RIMBP2: variants seen among roughly 807,000 people sequenced by gnomAD.
RIMBP2 encodes the protein RIMS binding protein 2, also known as RIMS-binding protein 2.
RIMBP2 carries 48 observed loss-of-function variants against 118.6 expected under a neutral mutation model. The ratio of observed to expected loss-of-function variants is 0.40; its 90% CI spans 0.32 to 0.51. The LOEUF is 0.51. Ranked by LOEUF, RIMBP2 falls within the 20% of genes least tolerant of loss-of-function variation. The probability of loss-of-function intolerance (pLI) is 0.41; values close to 1 mark genes in which losing one functional copy is unlikely to be tolerated. For synonymous variants in RIMBP2, 762 were observed against 742.9 expected (o/e 1.03, Z -0.42); for missense variants, 1,551 against 1,768.3 (o/e 0.88, Z 2.20).
At chr12:130,398,980 A>G (rs999621021) in intron 22 of RIMBP2, 1 of 409,524 alleles carries the variant, frequency 2.4e-6, no homozygotes, top group African/African-American at 2.1e-5. Context: ...TTTAGGTCCA[A>G]TAGTTTTTTG....
intron 1 of RIMBP2, among the ~76,000 whole-genome samples, chr12:130,709,026 C>T (rs1002545664): frequency 1.2e-4 from 18 of 152,374 alleles, no homozygotes; most frequent in East Asian, 7.7e-4. Context: ...CAGGGCCTGC[C>T]GCAGAAGGGC....
rs35127958 is a variant in RIMBP2, at chr12:130,601,335, C to CAAAAAA, written c.-217+26981_-217+26986dup. On this transcript the variant is annotated intron_variant, in intron 2 of 22. Transcript: ENST00000690449. ...TGGGGATGGGGTCAAAGAGGGCAGG[C>CAAAAAA]AAAAAAAAAAAAAAAAAAAAAAAAA... is the stretch of plus-strand genomic sequence containing the variant. 7.9e-4 allele frequency among the ~76,000 whole-genome samples: 50 copies of CAAAAAA among 63,062 alleles called. 3 individuals carry two copies. The highest frequency in any genetic ancestry group is 1.6e-3 in the African/African-American group (31 of 19,354). 41.4% of individuals were successfully genotyped at this position (63,062 alleles called of 152,430 possible). A position where few individuals can be genotyped will look rare whatever the true frequency, so the allele number is the denominator to read the frequency against.
intron 1 of RIMBP2, among the ~76,000 whole-genome samples, chr12:130,632,200 T>A (rs1022708552): frequency 1.3e-5 from 2 of 152,188 alleles, no homozygotes; most frequent in African/African-American, 4.8e-5. Flanking sequence ...TCCAGTGAGA[T>A]CCCTGCAGGC....
At chr12:130,432,203 G>A in intron 14 of RIMBP2, 1 of 456,530 alleles carries the variant, frequency 2.2e-6, no homozygotes, top group Non-Finnish European at 4.4e-6. Flanking sequence ...CGTGGCACAT[G>A]GGGAAAGGCG....
intron 1 of RIMBP2, among the ~76,000 whole-genome samples, chr12:130,664,775 T>C (rs1181651632): frequency 6.6e-6 from 1 of 151,944 alleles, no homozygotes; most frequent in Non-Finnish European, 1.5e-5. Flanking sequence ...CCTTTCAATT[T>C]CAGCTTTAAA....
chr12:130,515,302 T>C (rs11614238), intron 3 of RIMBP2, among the ~76,000 whole-genome samples: 7,866 of 152,248 alleles, frequency 0.052, 270 homozygotes, highest in South Asian at 0.16. Flanking sequence ...CAACTGTCAC[T>C]ACCACCCATC....
In RIMBP2 at chr12:130,626,467, C is replaced by T. The variant is rs960542461; in HGVS notation, c.-217+1855G>A. Among the ~76,000 whole-genome samples, 21 of 150,802 alleles carry T rather than the reference C, an allele frequency of 1.4e-4. 1 individual carries two copies. Among genetic ancestry groups the T allele is most frequent in the South Asian group, 1.1e-3 (5 of 4,712 alleles). On this transcript the variant is annotated intron_variant, in intron 2 of 22. Transcript: ENST00000690449. ...GGCATCACCACCATCTTCTCCATCACGACTACCGCCAGCATCACCATCAGC... is the reference window on the plus strand; with the variant it reads ...GGCATCACCACCATCTTCTCCATCATGACTACCGCCAGCATCACCATCAGC...
intron 2 of RIMBP2, among the ~76,000 whole-genome samples, chr12:130,568,286 T>C (rs1346765375): frequency 6.6e-6 from 1 of 152,196 alleles, no homozygotes; most frequent in East Asian, 1.9e-4. Context: ...GTTTGAGAAC[T>C]TTCTCTTCTG....
chr12:130,692,151 C>T (rs1316510840), intron 1 of RIMBP2, among the ~76,000 whole-genome samples: 1 of 152,148 alleles, frequency 6.6e-6, no homozygotes, highest in Non-Finnish European at 1.5e-5. Context: ...GATGAGAGGC[C>T]TGGGTTTGAC....
chr12:130,535,738 C>CATATATATATATATATATATATATAT (rs55887629), intron 2 of RIMBP2, among the ~76,000 whole-genome samples: 2 of 66,726 alleles, frequency 3.0e-5, no homozygotes, highest in South Asian at 7.7e-4. Flanking sequence ...CATATATATA[C>CATATATATATATATATATATATATAT]ATATATATAT....
At chr12:130,618,322 C>T (rs1480650155) in intron 2 of RIMBP2, among the ~76,000 whole-genome samples, 1 of 152,168 alleles carries the variant, frequency 6.6e-6, no homozygotes, top group Non-Finnish European at 1.5e-5. Flanking sequence ...GAAGGTTACA[C>T]GTGTTAATTA....
At position 130,442,694 on chromosome 12, in the gene RIMBP2, C is replaced by T; in HGVS notation, c.692-34G>A. On this transcript the variant is annotated intron_variant, in intron 10 of 22. Coordinates refer to ENST00000690449, the MANE Select transcript of RIMBP2 (RefSeq NM_001393629.1). The surrounding 1 kb of genome is among the most constrained non-coding windows in gnomAD (Gnocchi z 6.9). ...TACAAGGACAGAGTTATCACCCAGC[C>T]AACACAGCAGGGGCCTCGAGGCCCC... The T allele has an allele frequency of 1.3e-6, 2 of 1,579,230 alleles. No homozygotes were observed. Among genetic ancestry groups the T allele is most frequent in the Non-Finnish European group, 1.7e-6 (2 of 1,156,274 alleles).
chr12:130,501,683 C>A (rs947408343), intron 4 of RIMBP2, among the ~76,000 whole-genome samples: 1 of 152,234 alleles, frequency 6.6e-6, no homozygotes, highest in Non-Finnish European at 1.5e-5. Context: ...TTCGGAGCTG[C>A]CTTTGAGCCA....
chr12:130,678,586 C>T (rs912202611), intron 1 of RIMBP2, among the ~76,000 whole-genome samples: 2 of 152,100 alleles, frequency 1.3e-5, no homozygotes, highest in South Asian at 2.1e-4. Flanking sequence ...GGCACGATCT[C>T]GGCTCACTGC....
chr12:130,456,888 GT>G (rs1431673418), intron 6 of RIMBP2, among the ~76,000 whole-genome samples, 188 bp from the exon 7 acceptor site: 2 of 152,204 alleles, frequency 1.3e-5, no homozygotes, highest in Non-Finnish European at 2.9e-5. Context: ...GTGTGCACGT[GT>G]CTGTGTGTGA....
At chr12:130,430,528 G>C (rs1204992816) in intron 14 of RIMBP2, 1 of 152,090 alleles carries the variant, frequency 6.6e-6, no homozygotes, top group African/African-American at 2.4e-5. Flanking sequence ...GATTTAATAA[G>C]GGTACAGACT....
At chr12:130,644,904 T>C (rs763586687) in intron 1 of RIMBP2, among the ~76,000 whole-genome samples, 2 of 152,194 alleles carry the variant, frequency 1.3e-5, no homozygotes, top group African/African-American at 4.8e-5. Context: ...ACAGGCCCCT[T>C]AAGCAGCACC....
intron 2 of RIMBP2, among the ~76,000 whole-genome samples, chr12:130,584,927 G>GA (rs2058783754): frequency 6.6e-6 from 1 of 151,746 alleles, no homozygotes; most frequent in Non-Finnish European, 1.5e-5. Context: ...GTCTTGCTAT[G>GA]TCACCCAGGC....
At position 130,450,197 on chromosome 12, in the gene RIMBP2, T is replaced by C. The variant is rs767751906; in HGVS notation, c.581+3A>G. ...TCGGTGGACGCCGAGGGGCCGCACT[T>C]ACCTATAGCGGGCAACACAGAGGTG... On this transcript the variant is annotated splice_donor_region_variant and intron_variant, in intron 9 of 22. Coordinates refer to ENST00000690449, the MANE Select transcript of RIMBP2 (RefSeq NM_001393629.1). The surrounding 1 kb of genome is among the most constrained non-coding windows in gnomAD (Gnocchi z 4.8). 6.2e-7 allele frequency: 1 copy of C among 1,601,476 alleles called. No homozygotes were observed. Among genetic ancestry groups the C allele is most frequent in the Non-Finnish European group, 8.5e-7 (1 of 1,172,528 alleles).
Sources: allele counts gnomAD v4.1 joint callset (sites outside exome capture counted in the v4.1 genomes callset), GRCh38; gene constraint gnomAD v4.1.1; non-coding constraint Gnocchi (gnomAD v3.1); transcripts MANE v1.5; gene names NCBI Gene and HGNC (gene_info 2026-07-23, HGNC 2026-07-21).